DOCK8: variants seen among roughly 807,000 people sequenced by gnomAD.
DOCK8 encodes the protein dedicator of cytokinesis 8.
DOCK8 carries 141 observed loss-of-function variants against 245.6 expected under a neutral mutation model. The observed-to-expected ratio is 0.57, with a 90% CI of 0.50 to 0.66. The LOEUF is 0.66. Ranked by LOEUF, DOCK8 falls within the 30% of genes least tolerant of loss-of-function variation. DOCK8 has a pLI of 0.00. For synonymous variants in DOCK8, 1,168 were observed against 970.2 expected, an observed-to-expected ratio of 1.20 and a Z score of -3.79; for missense variants, 2,965 against 2,603.4, an observed-to-expected ratio of 1.14 and a Z score of -3.02.
chr9:403,116 T>A (rs1355863795), intron 26 of DOCK8, among the ~76,000 whole-genome samples: 2 of 152,152 alleles, frequency 1.3e-5, no homozygotes, highest in Non-Finnish European at 2.9e-5. Context: ...TCTTGAACTC[T>A]GGCCTCAAGT....
intron 1 of DOCK8, among the ~76,000 whole-genome samples, chr9:216,813 C>T (rs761286056): frequency 4.6e-5 from 7 of 152,092 alleles, no homozygotes; most frequent in South Asian, 2.1e-4. Flanking sequence ...GGTGAGTGGC[C>T]GAGACCCGGA....
chr9:301,523 G>A (rs977466368), intron 4 of DOCK8, among the ~76,000 whole-genome samples: 4 of 152,152 alleles, frequency 2.6e-5, no homozygotes, highest in East Asian at 3.9e-4. Context: ...AGAAATAAAA[G>A]ACATCCCAAC....
chr9:258,766 T>C (rs1427250782), intron 1 of DOCK8, among the ~76,000 whole-genome samples: 1 of 151,802 alleles, frequency 6.6e-6, no homozygotes, highest in East Asian at 1.9e-4. Flanking sequence ...CCCGGATAAT[T>C]TTTGTATTTT....
In DOCK8 at chr9:399,278, C is replaced by CT. The variant is rs2054625113; in HGVS notation, c.3234+19_3234+20insT. ...CAGCCAGGTGAGTGTCCCCCCCACC[C>CT]CCACCCCCGAGCGAGCCACTTGGTT... On this transcript the variant is annotated intron_variant, in intron 26 of 47. Coordinates refer to ENST00000432829, the MANE Select transcript of DOCK8 (RefSeq NM_203447.4). 1.3e-6 allele frequency: 2 copies of CT among 1,504,826 alleles called. No homozygotes were observed. The highest frequency in any genetic ancestry group is 1.8e-5 in the Admixed American group (1 of 55,556). 93.2% of individuals were successfully genotyped at this position (1,504,826 alleles called of 1,614,324 possible).
intron 4 of DOCK8, among the ~76,000 whole-genome samples, chr9:300,733 C>G (rs2049505613): frequency 6.6e-6 from 1 of 152,040 alleles, no homozygotes; most frequent in South Asian, 2.1e-4. Flanking sequence ...TGCACACAAA[C>G]TAGAAAACGT....
At chr9:377,336 T>C in intron 20 of DOCK8, 125 bp downstream of exon 20, 1 of 940,924 alleles carries the variant, frequency 1.1e-6, no homozygotes, top group Non-Finnish European at 1.5e-6. Context: ...TGATGTGTGC[T>C]CAAGGGAGGC....
In DOCK8 at chr9:400,962, CCACCTCCTCCACCAT is replaced by C. The variant is rs1451854273; in HGVS notation, c.3234+1708_3234+1722del. Among the ~76,000 whole-genome samples, 5 of 135,482 alleles carry C rather than the reference CCACCTCCTCCACCAT, an allele frequency of 3.7e-5. 1 individual carries two copies. The highest frequency in any genetic ancestry group is 2.5e-4 in the South Asian group (1 of 4,042). The allele number at this position is 135,482 out of a possible 152,430, so 88.9% of individuals were successfully genotyped here. A position where few individuals can be genotyped will look rare whatever the true frequency, so the allele number is the denominator to read the frequency against. On this transcript the variant is annotated intron_variant, in intron 26 of 47. Transcript: ENST00000432829. ...ACCACCACCATCACCACCACCACCA[CCACCTCCTCCACCAT>C]CACCACCTCCTCCACCACCACCACC...
rs73639207 is a variant in DOCK8, at chr9:399,011, A to G, written c.3121-135A>G. ...GGCTTTAGTTAAAGGAGACTCAACT[A>G]CTTCGCCCAGTGCCACCCAGAAGGA... is the stretch of plus-strand genomic sequence containing the variant. On this transcript the variant is annotated intron_variant, in intron 25 of 47. Transcript: ENST00000432829. 6.0e-3 allele frequency: 4,544 copies of G among 754,930 alleles called. 151 individuals carry two copies. In the African/African-American group the frequency reaches 0.068, roughly 11 times the overall value. The allele number at this position is 754,930 out of a possible 1,614,324, so 46.8% of individuals were successfully genotyped here.
At chr9:308,931 A>G (rs1042136926) in intron 5 of DOCK8, among the ~76,000 whole-genome samples, 1 of 152,324 alleles carries the variant, frequency 6.6e-6, no homozygotes, top group East Asian at 1.9e-4. Context: ...TGCTGAGATT[A>G]CAGGCATGAG....
At chr9:333,445 C>CA (rs1006081875) in intron 10 of DOCK8, among the ~76,000 whole-genome samples, 9 of 152,000 alleles carry the variant, frequency 5.9e-5, no homozygotes, top group Non-Finnish European at 1.0e-4. Flanking sequence ...GCTAAAAATA[C>CA]AAAAAATTAG....
At chr9:421,960 CT>C (rs1268999636) in intron 32 of DOCK8, 87 bp from the exon 33 acceptor site, 1 of 1,156,450 alleles carries the variant, frequency 8.6e-7, no homozygotes, top group African/African-American at 1.5e-5. Context: ...GGTGCTGAGG[CT>C]TCTCAGTTGA....
At chr9:431,004 C>G (rs10974396) in intron 36 of DOCK8, among the ~76,000 whole-genome samples, 3,005 of 151,858 alleles carry the variant, frequency 0.02, 101 homozygotes, top group African/African-American at 0.069. Context: ...CATGTAGTAA[C>G]TGGGATTACA....
chr9:336,549 C>A, intron 11 of DOCK8, 33 bp from the exon 12 acceptor site: 1 of 1,613,840 alleles, frequency 6.2e-7, no homozygotes. Context: ...AACAGAAAGG[C>A]ATACTTTGGA....
intron 12 of DOCK8, among the ~76,000 whole-genome samples, chr9:338,174 G>T (rs374391564): frequency 8.6e-5 from 13 of 151,270 alleles, no homozygotes; most frequent in African/African-American, 3.2e-4. Context: ...AAAAAAAAGA[G>T]GTAATATGGT....
chr9:214,215 G>A, upstream of DOCK8: 1 of 411,874 alleles, frequency 2.4e-6, no homozygotes, highest in Non-Finnish European at 4.4e-6. Context: ...GCAGACCTCA[G>A]TCTGAAACTG....
At chr9:217,403 C>T (rs1318573324) in intron 1 of DOCK8, among the ~76,000 whole-genome samples, 4 of 152,160 alleles carry the variant, frequency 2.6e-5, no homozygotes, top group Admixed American at 2.6e-4. Context: ...GCCAGTGTTT[C>T]TCCGCCTGTG....
upstream of DOCK8, chr9:214,776 G>A: frequency 1.3e-6 from 2 of 1,545,162 alleles, no homozygotes; most frequent in Non-Finnish European, 1.7e-6. Flanking sequence ...CCGGGTGGCG[G>A]AGCCGGCCGT....
chr9:399,486 C>G (rs2054636875), intron 26 of DOCK8, among the ~76,000 whole-genome samples: 1 of 150,814 alleles, frequency 6.6e-6, no homozygotes, highest in Admixed American at 6.6e-5. Flanking sequence ...GAAGGGTCAA[C>G]AGATTCATCT....
At chr9:340,546 A>C (rs2051533414) in intron 14 of DOCK8, 1 of 496,828 alleles carries the variant, frequency 2.0e-6, no homozygotes, top group Non-Finnish European at 3.7e-6. Flanking sequence ...GCTTGAACCC[A>C]GGAGGCAGAG....
Sources: gnomAD v4.1 joint callset for allele counts (sites outside exome capture counted in the v4.1 genomes callset) on GRCh38, gnomAD v4.1.1 for gene constraint, MANE v1.5 for transcripts, NCBI Gene and HGNC (gene_info 2026-07-23, HGNC 2026-07-21) for gene names.